The following WDR47 variants were observed in gnomAD, a reference collection of about 807,000 sequenced individuals.
The protein encoded by WDR47 is WD repeat domain 47, also known as WD repeat-containing protein 47.
A neutral mutation model predicts 97.2 loss-of-function variants in WDR47; 32 were observed. The ratio of observed to expected loss-of-function variants is 0.33; its 90% CI spans 0.25 to 0.44. The LOEUF (loss-of-function observed/expected upper bound fraction) is 0.44, where lower values mean the gene tolerates loss of function less well. Among genes scored for constraint, WDR47 ranks in the 20% least tolerant of loss-of-function variants. The pLI is 1.00. For missense variants in WDR47, 782 were observed against 1,102.3 expected (o/e 0.71, Z 4.11); for synonymous variants, 375 against 373.5 (o/e 1.00, Z -0.05).
chr1:108,992,256 G>A (rs549251312), intron 8 of WDR47: 66 of 909,910 alleles, frequency 7.3e-5, no homozygotes, highest in East Asian at 2.2e-4. Context: ...AAGTAAATCC[G>A]AAGCAGCCTG....
At chr1:108,974,326 T>A (rs1657719267) in intron 14 of WDR47, among the ~76,000 whole-genome samples, 1 of 152,330 alleles carries the variant, frequency 6.6e-6, no homozygotes, top group East Asian at 1.9e-4. Context: ...CCTGCCTCTA[T>A]AAAAACAAAA....
chr1:109,010,893 A>C, intron 5 of WDR47, 23 bp downstream of exon 5: 1 of 1,583,586 alleles, frequency 6.3e-7, no homozygotes, highest in Non-Finnish European at 8.6e-7. Flanking sequence ...AAGATTTCCT[A>C]ATTTTTATAA....
rs1304985466 is a variant in WDR47, at chr1:109,032,135, G to A, written c.-9-8614C>T. ...TTTATGAGACTAAGGACTAAGGTAT[G>A]TGTGTTCTTTCCATATTCAAACCCA... On this transcript the variant is annotated intron_variant, in intron 1 of 14. Transcript: ENST00000369962. Among the ~76,000 whole-genome samples, 2 of 139,134 alleles carry A rather than the reference G, an allele frequency of 1.4e-5. 1 individual carries two copies. Among genetic ancestry groups the A allele is most frequent in the Non-Finnish European group, 3.2e-5 (2 of 62,646 alleles). 91.3% of individuals were successfully genotyped at this position (139,134 alleles called of 152,430 possible).
intron 6 of WDR47, 47 bp downstream of exon 6, chr1:109,004,545 T>C (rs371818249): frequency 4.2e-5 from 65 of 1,558,386 alleles, no homozygotes; most frequent in Non-Finnish European, 5.5e-5. Flanking sequence ...CTATTACTTC[T>C]TACAAAGAGA....
chr1:109,002,702 G>A (rs371825477), intron 6 of WDR47, among the ~76,000 whole-genome samples: 2 of 152,280 alleles, frequency 1.3e-5, no homozygotes, highest in East Asian at 3.9e-4. Context: ...CAGAGAAAAT[G>A]AATGTAGATA....
At chr1:109,036,441 G>A (rs769324851) in intron 1 of WDR47, among the ~76,000 whole-genome samples, 10 of 149,908 alleles carry the variant, frequency 6.7e-5, no homozygotes, top group Non-Finnish European at 5.9e-5. Flanking sequence ...GCTTGGTAGC[G>A]TGCGCCTGTA....
At chr1:109,025,536 C>T (rs917745185) in intron 1 of WDR47, among the ~76,000 whole-genome samples, 51 of 151,720 alleles carry the variant, frequency 3.4e-4, no homozygotes, top group African/African-American at 1.2e-3. Flanking sequence ...GAGTTTGAGG[C>T]CAGCCTGGCC....
chr1:109,041,608 G>C (rs1663369957), intron 1 of WDR47: 1 of 152,362 alleles, frequency 6.6e-6, no homozygotes, highest in African/African-American at 2.4e-5. Flanking sequence ...GTGTGGTCCA[G>C]GACCGGTGAC....
At chr1:109,028,329 C>G (rs531461842) in intron 1 of WDR47, among the ~76,000 whole-genome samples, 1 of 148,704 alleles carries the variant, frequency 6.7e-6, no homozygotes, top group African/African-American at 2.5e-5. Context: ...GGACCACAGG[C>G]ATGTGCCACT....
intron 5 of WDR47, among the ~76,000 whole-genome samples, chr1:109,010,534 T>C (rs1432464593): frequency 1.3e-5 from 2 of 151,636 alleles, no homozygotes; most frequent in East Asian, 3.9e-4. Context: ...AGAAAACATA[T>C]ACACACTATA....
At chr1:108,981,903 GTA>G in intron 12 of WDR47, 39 bp from the exon 13 acceptor site, 1 of 1,593,476 alleles carries the variant, frequency 6.3e-7, no homozygotes, top group Non-Finnish European at 8.6e-7. Flanking sequence ...AGGTGGGAGA[GTA>G]TCTTTCCATA....
chr1:108,994,440 A>G (rs2101873201), intron 8 of WDR47, among the ~76,000 whole-genome samples: 1 of 152,178 alleles, frequency 6.6e-6, no homozygotes. Flanking sequence ...GTTTTTCAGA[A>G]ATGTGGAAAT....
chr1:108,995,615 T>C lies in WDR47; in HGVS notation c.1656A>G (p.Ile552Met). ...TPRNPGSTNH[I>M]PFLEESPCGS... ...CACAAGGTGATTCCTCCAGAAAAGG[T>C]ATGTGATTTGTTGATCCAGGATTAC... The change falls in exon 8 of 15, where the codon ATA (isoleucine) becomes ATG (methionine). Residue 552 changes from isoleucine (I) to methionine (M), a missense_variant. Physicochemically the swap from Ile to Met is conservative, Grantham distance 10. Transcript: ENST00000369962. The C allele has an allele frequency of 2.5e-6, 4 of 1,614,140 alleles. No individual in the cohort carries two copies. Among genetic ancestry groups the C allele is most frequent in the Middle Eastern group, 1.6e-4 (1 of 6,062 alleles).
chr1:108,971,556 C>T lies in WDR47; in HGVS notation c.2634G>A (p.Gln878=), dbSNP rs1450758921. The change falls in exon 15 of 15, where the codon CAG becomes CAA. Residue 878 remains glutamine (Q), a synonymous_variant. Coordinates refer to ENST00000369962, the MANE Select transcript of WDR47 (RefSeq NM_001142551.2). ...GCTCCCCCACCACCATGATAGGAAG[C>T]TGCTTGGTGAGGTCCCCTAAATTAC... The part of the protein sequence containing the change: ...VTDLQGDLTK[Q]LPIMVVGEHK... The T allele has an allele frequency of 2.5e-6, 4 of 1,614,122 alleles. No homozygotes were observed. The highest frequency in any genetic ancestry group is 3.4e-6 in the Non-Finnish European group (4 of 1,180,018).
chr1:108,989,002 C>T (rs1244530476), intron 9 of WDR47, among the ~76,000 whole-genome samples: 14 of 152,120 alleles, frequency 9.2e-5, no homozygotes, highest in Non-Finnish European at 2.9e-5. Flanking sequence ...AAGTGATCTG[C>T]CACCTCAGCC....
intron 1 of WDR47, among the ~76,000 whole-genome samples, chr1:109,026,738 T>C (rs1662241964): frequency 6.6e-6 from 1 of 152,342 alleles, no homozygotes; most frequent in East Asian, 1.9e-4. Context: ...AAACATTGTA[T>C]AGGCTTCATA....
chr1:109,018,085 G>C (rs538458823), intron 2 of WDR47, among the ~76,000 whole-genome samples: 1 of 152,104 alleles, frequency 6.6e-6, no homozygotes, highest in East Asian at 1.9e-4. Context: ...AACATACACT[G>C]TATGAGAAGA....
Position 109,030,374 on chromosome 1 carries a change from A to G in WDR47, c.-9-6853T>C, listed in dbSNP as rs563196866. 8.2e-5 allele frequency: 37 copies of G among 450,588 alleles called. No homozygotes were observed. In the Admixed American group the frequency reaches 1.2e-3, roughly 15 times the overall value. The allele number at this position is 450,588 out of a possible 1,614,324, so 27.9% of individuals were successfully genotyped here. ...CCATCTCAATAAGCACATTTTTGATAAAAATAAAAAATAAAATAAAATAAA... is the reference window on the plus strand; with the variant it reads ...CCATCTCAATAAGCACATTTTTGATGAAAATAAAAAATAAAATAAAATAAA... On this transcript the variant is annotated intron_variant, in intron 1 of 14. Coordinates refer to ENST00000369962, the MANE Select transcript of WDR47 (RefSeq NM_001142551.2).
At chr1:108,982,984 G>A (rs1301108603) in intron 11 of WDR47, among the ~76,000 whole-genome samples, 3 of 152,034 alleles carry the variant, frequency 2.0e-5, no homozygotes, top group African/African-American at 7.2e-5. Flanking sequence ...GGGTTATCTT[G>A]TCTCTTATCC....
Sources: gnomAD v4.1 joint callset for allele counts (sites outside exome capture counted in the v4.1 genomes callset) on GRCh38, gnomAD v4.1.1 for gene constraint, MANE v1.5 for transcripts, NCBI Gene and HGNC (gene_info 2026-07-23, HGNC 2026-07-21) for gene names.